PCDHGA6: variants seen among roughly 807,000 people sequenced by gnomAD.
PCDHGA6 encodes protocadherin gamma subfamily A, 6, also known as protocadherin gamma-A6.
A neutral mutation model predicts 60.6 loss-of-function variants in PCDHGA6; 41 were observed. The observed-to-expected ratio is 0.68, with a 90% confidence interval of 0.53 to 0.88. The LOEUF (loss-of-function observed/expected upper bound fraction) is 0.88. Ranked by LOEUF, PCDHGA6 falls within the 40% of genes least tolerant of loss-of-function variation. The probability of loss-of-function intolerance (pLI) is 0.00; values close to 1 mark genes in which losing one functional copy is unlikely to be tolerated. For missense variants in PCDHGA6, 1,312 were observed against 1,203.0 expected, an observed-to-expected ratio of 1.09 and a Z score of -1.34; for synonymous variants, 594 against 524.4, an observed-to-expected ratio of 1.13 and a Z score of -1.81.
intron 1 of PCDHGA6, chr5:141,382,864 C>G (rs775003646): frequency 1.3e-6 from 2 of 1,516,562 alleles, no homozygotes; most frequent in Non-Finnish European, 8.8e-7. Context: ...AAGCACTTCC[C>G]GAGATCGGCG....
chr5:141,424,556 G>C (rs2096828013), intron 1 of PCDHGA6: 1 of 152,128 alleles, frequency 6.6e-6, no homozygotes, highest in South Asian at 2.1e-4. Context: ...TTGATTCAGT[G>C]CTTCTCAAAA....
intron 1 of PCDHGA6, chr5:141,433,225 G>A: frequency 6.6e-7 from 1 of 1,517,048 alleles, no homozygotes; most frequent in Non-Finnish European, 9.0e-7. Flanking sequence ...TTTTTTAATT[G>A]CTCTGTCTCC....
chr5:141,459,315 T>A (rs2154566534), intron 1 of PCDHGA6, among the ~76,000 whole-genome samples: 1 of 152,362 alleles, frequency 6.6e-6, no homozygotes, highest in Non-Finnish European at 1.5e-5. Flanking sequence ...CTATTTTGTA[T>A]CCATCTTCTT....
chr5:141,404,214 C>T lies in PCDHGA6; in HGVS notation c.2424+27707C>T, dbSNP rs1169013129. On this transcript the variant is annotated intron_variant, in intron 1 of 3. Coordinates refer to ENST00000517434, the MANE Select transcript of PCDHGA6 (RefSeq NM_018919.3). ...GAAAAAGCCTCAGAATATAATATCA[C>T]GGTGACTGCAACAGACAGAGGAACT... 11 of 1,613,562 alleles carry T rather than the reference C, an allele frequency of 6.8e-6. No individual in the cohort carries two copies. In the Admixed American group the frequency reaches 1.3e-4, roughly 20 times the overall value.
intron 1 of PCDHGA6, among the ~76,000 whole-genome samples, chr5:141,458,408 C>A (rs895785923): frequency 6.6e-6 from 1 of 151,932 alleles, no homozygotes; most frequent in East Asian, 1.9e-4. Flanking sequence ...AGAGACGGAG[C>A]GGGGGTTCCA....
chr5:141,399,198 G>T (rs1370289172), intron 1 of PCDHGA6: 1 of 1,613,816 alleles, frequency 6.2e-7, no homozygotes, highest in African/African-American at 1.3e-5. Context: ...AAAACGCGGT[G>T]CCTGGAACAC....
In PCDHGA6 at chr5:141,422,632, G is replaced by T. The variant is rs199543811; in HGVS notation, c.2424+46125G>T. ...CTACATTCCCGAAAACAACCCCAGGGGTGCCTCCATCTTCTCAGTGACCGC... is the reference window on the plus strand; with the variant it reads ...CTACATTCCCGAAAACAACCCCAGGTGTGCCTCCATCTTCTCAGTGACCGC... On this transcript the variant is annotated intron_variant, in intron 1 of 3. Coordinates refer to ENST00000517434, the MANE Select transcript of PCDHGA6 (RefSeq NM_018919.3). 4,245 of 1,613,132 alleles carry T rather than the reference G, an allele frequency of 2.6e-3. 5 individuals carry two copies. The highest frequency in any genetic ancestry group is 3.2e-3 in the Admixed American group (193 of 59,948).
intron 1 of PCDHGA6, chr5:141,395,403 A>G: frequency 2.4e-6 from 2 of 849,494 alleles, no homozygotes; most frequent in East Asian, 2.8e-5. Flanking sequence ...TCTAATAGTC[A>G]TAGGTTATTG....
chr5:141,381,826 C>CTTTTTTTTTTTTTTTTTT (rs770630741), intron 1 of PCDHGA6, among the ~76,000 whole-genome samples: 6 of 74,288 alleles, frequency 8.1e-5, no homozygotes, highest in East Asian at 3.6e-4. Flanking sequence ...CTTTCTTCTT[C>CTTTTTTTTTTTTTTTTTT]TTTTTTTTTT....
rs948944459 is a variant in PCDHGA6 at position 141,476,485 on chromosome 5, G to T, written c.2425-18322G>T. 1 of 1,614,076 alleles carries T rather than the reference G, an allele frequency of 6.2e-7. No individual in the cohort carries two copies. The highest frequency in any genetic ancestry group is 8.5e-7 in the Non-Finnish European group (1 of 1,180,016). ...CGCTGGAGCTGTTCAGCGTGGAAGT[G>T]GTGATCCAGGACATCAACGACAACA... is the stretch of plus-strand genomic sequence containing the variant. On this transcript the variant is annotated intron_variant, in intron 1 of 3. Coordinates refer to ENST00000517434, the MANE Select transcript of PCDHGA6 (RefSeq NM_018919.3). The surrounding 1 kb of genome is among the most constrained non-coding windows in gnomAD (Gnocchi z 7.6).
At chr5:141,403,267 C>A in intron 1 of PCDHGA6, 1 of 1,613,888 alleles carries the variant, frequency 6.2e-7, no homozygotes, top group Non-Finnish European at 8.5e-7. Context: ...GTCTGGTGAA[C>A]TTTAAAGTCC....
intron 1 of PCDHGA6, chr5:141,423,694 T>C (rs1008861889): frequency 1.3e-6 from 2 of 1,501,552 alleles, no homozygotes; most frequent in Middle Eastern, 1.8e-4. Flanking sequence ...TAATTGTTGG[T>C]GTCTTGGCAC....
At chr5:141,467,649 T>C (rs2099147987) in intron 1 of PCDHGA6, among the ~76,000 whole-genome samples, 1 of 152,146 alleles carries the variant, frequency 6.6e-6, no homozygotes, top group Non-Finnish European at 1.5e-5. Flanking sequence ...TGTACCAAAC[T>C]TCTATAGTGC....
At chr5:141,483,104 A>G (rs2099577128) in intron 1 of PCDHGA6, among the ~76,000 whole-genome samples, 1 of 152,140 alleles carries the variant, frequency 6.6e-6, no homozygotes, top group African/African-American at 2.4e-5. Flanking sequence ...GTGTGCGTGT[A>G]AAACAGACAG....
At chr5:141,398,517 G>C (rs754431224) in intron 1 of PCDHGA6, 38 of 1,592,096 alleles carry the variant, frequency 2.4e-5, no homozygotes, top group Non-Finnish European at 3.1e-5. Flanking sequence ...ATGACCACAC[G>C]CCAAAATTCA....
chr5:141,505,653 G>A (rs1049630228), intron 3 of PCDHGA6, among the ~76,000 whole-genome samples, 172 bp downstream of exon 3: 1 of 152,184 alleles, frequency 6.6e-6, no homozygotes, highest in Non-Finnish European at 1.5e-5. Context: ...TTGTGGCTAA[G>A]GAACAGCAGA....
At chr5:141,439,126 G>A (rs2098089550) in intron 1 of PCDHGA6, among the ~76,000 whole-genome samples, 1 of 151,328 alleles carries the variant, frequency 6.6e-6, no homozygotes, top group African/African-American at 2.4e-5. Flanking sequence ...CCGGGAGACA[G>A]AGGTTGCAGT....
chr5:141,491,047 G>A lies in PCDHGA6; in HGVS notation c.2425-3760G>A, dbSNP rs751761240. On this transcript the variant is annotated intron_variant, in intron 1 of 3. Coordinates refer to ENST00000517434, the MANE Select transcript of PCDHGA6 (RefSeq NM_018919.3). The surrounding 1 kb of genome is among the most constrained non-coding windows in gnomAD (Gnocchi z 6.9). Reference sequence around the variant, plus strand: ...CGTGGATGCTGATGCAGGCCACAATGCGTGGCTCTCCTACTCACTGTTGCC... The same window carrying A: ...CGTGGATGCTGATGCAGGCCACAATACGTGGCTCTCCTACTCACTGTTGCC... 4 of 1,614,054 alleles carry A rather than the reference G, an allele frequency of 2.5e-6. No homozygotes were observed. Among genetic ancestry groups the A allele is most frequent in the Non-Finnish European group, 3.4e-6 (4 of 1,180,034 alleles).
Position 141,431,449 on chromosome 5 carries a change from G to A in PCDHGA6, c.2424+54942G>A. Reference sequence around the variant, plus strand: ...GCACAGGCACCGCGCGCATCCGCGTGATGGTTCTGGATGCGAACGACAACG... The same window carrying A: ...GCACAGGCACCGCGCGCATCCGCGTAATGGTTCTGGATGCGAACGACAACG... On this transcript the variant is annotated intron_variant, in intron 1 of 3. Coordinates refer to ENST00000517434, the MANE Select transcript of PCDHGA6 (RefSeq NM_018919.3). The surrounding 1 kb of genome is among the most constrained non-coding windows in gnomAD (Gnocchi z 4.8). The A allele has an allele frequency of 6.2e-7, 1 of 1,613,742 alleles. No individual in the cohort carries two copies. Among genetic ancestry groups the A allele is most frequent in the South Asian group, 1.1e-5 (1 of 91,082 alleles).
Sources: allele counts gnomAD v4.1 joint callset (sites outside exome capture counted in the v4.1 genomes callset), GRCh38; gene constraint gnomAD v4.1.1; non-coding constraint Gnocchi (gnomAD v3.1); transcripts MANE v1.5; gene names NCBI Gene and HGNC (gene_info 2026-07-23, HGNC 2026-07-21).